The following GCNT2 variants were observed in gnomAD, a reference collection of about 807,000 sequenced individuals.
GCNT2 encodes glucosaminyl (N-acetyl) transferase 2 (I blood group).
GCNT2 carries 34 observed loss-of-function variants against 34.2 expected under a neutral mutation model. That is an observed-to-expected ratio of 1.00 (90% CI 0.76 to 1.32). The LOEUF (loss-of-function observed/expected upper bound fraction) is 1.32, where lower values mean the gene tolerates loss of function less well. GCNT2 is among the 40% of genes most tolerant of loss of function. The pLI is 0.00. For synonymous variants in GCNT2, 212 were observed against 188.0 expected (o/e 1.13, Z -1.04); for missense variants, 584 against 489.4 (o/e 1.19, Z -1.82).
At chr6:10,542,457 A>C (rs1283562762) in intron 3 of GCNT2, among the ~76,000 whole-genome samples, 2 of 152,236 alleles carry the variant, frequency 1.3e-5, no homozygotes, top group African/African-American at 4.8e-5. Context: ...ACAGTTATGC[A>C]ACCATGATCC....
intron 3 of GCNT2, among the ~76,000 whole-genome samples, chr6:10,540,429 A>G (rs1761986905): frequency 6.6e-6 from 1 of 152,172 alleles, no homozygotes; most frequent in South Asian, 2.1e-4. Flanking sequence ...CAGCTGCTTT[A>G]CACTCCTGCA....
intron 3 of GCNT2, among the ~76,000 whole-genome samples, chr6:10,593,492 T>A (rs1318471167): frequency 4.6e-5 from 7 of 152,124 alleles, no homozygotes; most frequent in Non-Finnish European, 1.5e-5. Flanking sequence ...TATGCACCAC[T>A]ACACCTGGCT....
chr6:10,556,144 C>CGGGGAGGCAGAGGGAGGA, intron 3 of GCNT2: 1 of 1,325,154 alleles, frequency 7.5e-7, no homozygotes, highest in Non-Finnish European at 9.7e-7. Flanking sequence ...CAGATGCAAA[C>CGGGGAGGCAGAGGGAGGA]GGGGAGGCAG....
At chr6:10,588,323 G>T (rs187790151) in intron 3 of GCNT2, among the ~76,000 whole-genome samples, 1 of 152,300 alleles carries the variant, frequency 6.6e-6, no homozygotes, top group South Asian at 2.1e-4. Flanking sequence ...TACTGCATGC[G>T]TGGCATTTAA....
intron 3 of GCNT2, among the ~76,000 whole-genome samples, chr6:10,605,208 A>ATTTTTTTT (rs869167781): frequency 2.3e-4 from 22 of 94,210 alleles, no homozygotes; most frequent in African/African-American, 5.3e-4. Context: ...TCATGTAGGA[A>ATTTTTTTT]TTTTTTTTTT....
intron 3 of GCNT2, among the ~76,000 whole-genome samples, chr6:10,548,146 G>A (rs1762344107): frequency 6.6e-6 from 1 of 152,208 alleles, no homozygotes; most frequent in Non-Finnish European, 1.5e-5. Context: ...GATCACTTGA[G>A]CCTAGGAGTT....
At chr6:10,620,673 G>C (rs1418164114) in intron 3 of GCNT2, among the ~76,000 whole-genome samples, 2 of 152,122 alleles carry the variant, frequency 1.3e-5, no homozygotes, top group Admixed American at 1.3e-4. Flanking sequence ...GAACCACTAT[G>C]TCTGGCAACT....
Position 10,569,274 on chromosome 6 carries a change from C to CACACACACACACACACACACACACA in GCNT2, c.925+39438_925+39439insACACACACACACACACACACACACA, listed in dbSNP as rs1491123758. On this transcript the variant is annotated intron_variant, in intron 3 of 4. Transcript: ENST00000495262. ...ACACACACACACACACACACACACACCCCCTAGGTAATTTTGCCAAATCCT... is the reference window on the plus strand; with the variant it reads ...ACACACACACACACACACACACACACACACACACACACACACACACACACACCCCTAGGTAATTTTGCCAAATCCT... Among the ~76,000 whole-genome samples, 156 of 137,088 alleles carry CACACACACACACACACACACACACA rather than the reference C, an allele frequency of 1.1e-3. 2 individuals are homozygous for CACACACACACACACACACACACACA. The highest frequency in any genetic ancestry group is 1.5e-3 in the East Asian group (7 of 4,536). 89.9% of individuals were successfully genotyped at this position (137,088 alleles called of 152,430 possible).
intron 1 of GCNT2, among the ~76,000 whole-genome samples, chr6:10,526,763 G>A (rs1287330232): frequency 6.6e-6 from 1 of 152,130 alleles, no homozygotes; most frequent in Non-Finnish European, 1.5e-5. Context: ...GTAAATGAAA[G>A]TACAGGACGT....
chr6:10,532,616 C>T (rs1285868075), intron 3 of GCNT2, among the ~76,000 whole-genome samples: 1 of 152,112 alleles, frequency 6.6e-6, no homozygotes, highest in East Asian at 1.9e-4. Context: ...GGACTACAGG[C>T]ATGTGCCCCC....
At chr6:10,557,535 T>C (rs1374498170) in intron 3 of GCNT2, among the ~76,000 whole-genome samples, 2 of 151,960 alleles carry the variant, frequency 1.3e-5, no homozygotes, top group Non-Finnish European at 2.9e-5. Flanking sequence ...TGGCCCAGGC[T>C]GGAGTGCAGG....
chr6:10,575,137 T>A (rs923704630), intron 3 of GCNT2: 2 of 435,772 alleles, frequency 4.6e-6, no homozygotes, highest in Admixed American at 5.5e-5. Flanking sequence ...TAGATTCACA[T>A]ATACGTGGCC....
At chr6:10,542,324 C>T (rs1762071584) in intron 3 of GCNT2, among the ~76,000 whole-genome samples, 1 of 152,116 alleles carries the variant, frequency 6.6e-6, no homozygotes. Context: ...TTGCCTTTCC[C>T]CCTCTTAAAG....
At chr6:10,556,617 T>A in intron 3 of GCNT2, 1 of 1,614,138 alleles carries the variant, frequency 6.2e-7, no homozygotes, top group Non-Finnish European at 8.5e-7. Flanking sequence ...AACAAACTAA[T>A]GATCCATGAG....
chr6:10,577,387 A>G (rs1219783881), intron 3 of GCNT2, among the ~76,000 whole-genome samples: 1 of 152,164 alleles, frequency 6.6e-6, no homozygotes, highest in Non-Finnish European at 1.5e-5. Flanking sequence ...GCAGAGTGGG[A>G]TCTGTCACCC....
intron 3 of GCNT2, among the ~76,000 whole-genome samples, chr6:10,541,709 A>G (rs896694328): frequency 6.6e-6 from 1 of 152,184 alleles, no homozygotes; most frequent in African/African-American, 2.4e-5. Context: ...AGGGAATTCA[A>G]GGGACTCTGA....
intron 3 of GCNT2, among the ~76,000 whole-genome samples, chr6:10,618,341 G>A (rs954205574): frequency 2.6e-5 from 4 of 152,186 alleles, no homozygotes; most frequent in Non-Finnish European, 5.9e-5. Flanking sequence ...TCAGTAACAC[G>A]AGGTTAGTAG....
Position 10,575,296 on chromosome 6 carries a change from G to C in GCNT2, c.925+45460G>C, listed in dbSNP as rs1004814682. ...TGTCAACCAAATTTTCCGTGATAGT[G>C]TATCTCATACAGTGTCTGTTTAACT... is the stretch of plus-strand genomic sequence containing the variant. On this transcript the variant is annotated intron_variant, in intron 3 of 4. Coordinates refer to ENST00000495262, the MANE Select transcript of GCNT2 (RefSeq NM_145649.5). 2.8e-5 allele frequency: 7 copies of C among 252,072 alleles called. No homozygotes were observed. In the East Asian group the frequency reaches 7.5e-4, roughly 27 times the overall value. 15.6% of individuals were successfully genotyped at this position (252,072 alleles called of 1,614,324 possible).
intron 3 of GCNT2, among the ~76,000 whole-genome samples, chr6:10,531,027 G>A (rs899863646): frequency 9.5e-5 from 14 of 147,518 alleles, no homozygotes; most frequent in East Asian, 5.9e-4. Context: ...GCACTCCAGC[G>A]GAGACTCTGT....
Sources: gnomAD v4.1 joint callset for allele counts (sites outside exome capture counted in the v4.1 genomes callset) on GRCh38, gnomAD v4.1.1 for gene constraint, MANE v1.5 for transcripts, NCBI Gene and HGNC (gene_info 2026-07-23, HGNC 2026-07-21) for gene names.